NFX1: variants seen among roughly 807,000 people sequenced by gnomAD.
NFX1 encodes nuclear transcription factor, X-box binding 1, also known as transcriptional repressor NF-X1.
Under a neutral mutation model 137.2 loss-of-function variants are expected in NFX1, and 69 were observed. The observed-to-expected ratio is 0.50, with a 90% CI of 0.41 to 0.61. The LOEUF (loss-of-function observed/expected upper bound fraction) is 0.61. NFX1 is among the 20% of genes least tolerant of loss of function. The pLI is 0.00. For missense variants in NFX1, 1,167 were observed against 1,391.0 expected (o/e 0.84, Z 2.56); for synonymous variants, 495 against 474.1 (o/e 1.04, Z -0.57).
At chr9:33,348,253 G>A (rs966119827) in intron 15 of NFX1, 1 of 152,174 alleles carries the variant, frequency 6.6e-6, no homozygotes, top group Non-Finnish European at 1.5e-5. Flanking sequence ...TTGGGAGGCT[G>A]AGGCAGGAGA....
At chr9:33,347,765 T>C (rs1489574908) in intron 15 of NFX1, 13 of 341,382 alleles carry the variant, frequency 3.8e-5, no homozygotes, top group Admixed American at 1.3e-4. Flanking sequence ...ATTGCAAAAA[T>C]GTGGAACCAG....
At chr9:33,359,652 C>CTT (rs1369061661) in intron 19 of NFX1, among the ~76,000 whole-genome samples, 1 of 151,804 alleles carries the variant, frequency 6.6e-6, no homozygotes, top group Non-Finnish European at 1.5e-5. Context: ...ATGGGGAAAA[C>CTT]TTTAAGTATT....
At chr9:33,340,354 C>T (rs893649172) in intron 12 of NFX1, among the ~76,000 whole-genome samples, 3 of 152,258 alleles carry the variant, frequency 2.0e-5, no homozygotes, top group African/African-American at 7.2e-5. Context: ...TGTGTTGGCC[C>T]CTTTCAGCTA....
chr9:33,352,657 G>C lies in NFX1; in HGVS notation c.2667G>C (p.Gln889His). 6.2e-7 allele frequency: 1 copy of C among 1,614,184 alleles called. No individual in the cohort carries two copies. The highest frequency in any genetic ancestry group is 2.2e-5 in the East Asian group (1 of 44,890). The part of the protein sequence containing the change: ...VTACKAKVEL[Q>H]CECGRRKEMV... ...TCATCTGACTTCAGGTAGAGCTACA[G>C]TGTGAATGTGGACGAAGAAAAGAGA... Residue 889 changes from glutamine (Q) to histidine (H), a missense_variant, in exon 17 of 24, where the codon CAG (glutamine) becomes CAC (histidine). Physicochemically the swap from Gln to His is conservative, Grantham distance 24. Around this residue, in one of 3 missense-constraint regions of NFX1, gnomAD observed 312 missense variants for 312.8 expected, o/e 1.00. Transcript: ENST00000379540.
intron 12 of NFX1, among the ~76,000 whole-genome samples, chr9:33,339,124 AT>A (rs1276843738): frequency 1.3e-5 from 2 of 152,230 alleles, no homozygotes; most frequent in Non-Finnish European, 2.9e-5. Flanking sequence ...TATATAAAAA[AT>A]ATAACGTATG....
Position 33,351,572 on chromosome 9 carries a change from A to G in NFX1, c.2437A>G (p.Ile813Val), listed in dbSNP as rs948696794. The G allele has an allele frequency of 6.2e-7, 1 of 1,614,214 alleles. No individual in the cohort carries two copies. The highest frequency in any genetic ancestry group is 8.5e-7 in the Non-Finnish European group (1 of 1,180,030). ...CMGKHEFRSN[I>V]PCHLVDISCG... ...CTGTCTCTCCTAGTTTCGGAGCAAC[A>G]TCCCCTGTCACCTGGTTGATATCTC... The change falls in exon 16 of 24, where the codon ATC becomes GTC. Residue 813 changes from isoleucine to valine, a missense_variant. By Grantham distance (29) the Ile-to-Val change is conservative (BLOSUM62 3). Coordinates refer to ENST00000379540, the MANE Select transcript of NFX1 (RefSeq NM_002504.6).
At chr9:33,366,372 C>T (rs1824169274) in intron 21 of NFX1, among the ~76,000 whole-genome samples, 2 of 152,126 alleles carry the variant, frequency 1.3e-5, no homozygotes, top group Admixed American at 6.6e-5. Context: ...CTACCTAAGT[C>T]GCAGTTCACT....
rs751223287 is a variant in NFX1 at position 33,344,106 on chromosome 9, G to T, written c.2262G>T (p.Val754=). The change falls in exon 14 of 24, where the codon GTG becomes GTT. Residue 754 remains valine, a synonymous_variant. Transcript: ENST00000379540. ...DELTCHCGAS[V]IYPPVPCGTR... ...TAACCTGCCATTGTGGTGCATCAGTGATTTACCCTCCAGTTCCCTGTGGTA... is the reference window on the plus strand; with the variant it reads ...TAACCTGCCATTGTGGTGCATCAGTTATTTACCCTCCAGTTCCCTGTGGTA... The T allele has an allele frequency of 1.9e-6, 3 of 1,614,082 alleles. No homozygotes were observed. The highest frequency in any genetic ancestry group is 2.5e-6 in the Non-Finnish European group (3 of 1,179,974).
intron 15 of NFX1, among the ~76,000 whole-genome samples, chr9:33,349,028 G>A (rs1305743702): frequency 6.6e-6 from 1 of 152,152 alleles, no homozygotes; most frequent in Non-Finnish European, 1.5e-5. Flanking sequence ...CCTGTGGGTG[G>A]TTCTCAAGTC....
intron 5 of NFX1, among the ~76,000 whole-genome samples, chr9:33,308,589 A>G (rs1246079781): frequency 2.6e-5 from 4 of 152,236 alleles, no homozygotes; most frequent in Non-Finnish European, 4.4e-5. Flanking sequence ...CTTAGGTTCA[A>G]GTTACTTAAA....
At chr9:33,344,685 G>T (rs934672495) in intron 14 of NFX1, among the ~76,000 whole-genome samples, 1 of 151,984 alleles carries the variant, frequency 6.6e-6, no homozygotes, top group African/African-American at 2.4e-5. Context: ...GCCCAACATG[G>T]TGAAACCCCG....
chr9:33,302,860 A>G (rs1212633405), intron 3 of NFX1, among the ~76,000 whole-genome samples: 1 of 149,466 alleles, frequency 6.7e-6, no homozygotes, highest in Non-Finnish European at 1.5e-5. Context: ...AGTAGAGATG[A>G]TGTTTCATCA....
chr9:33,364,073 G>T lies in NFX1; in HGVS notation c.2937G>T (p.Gly979=), dbSNP rs1446203959. The T allele has an allele frequency of 6.2e-7, 1 of 1,604,458 alleles. No homozygotes were observed. Among genetic ancestry groups the T allele is most frequent in the Non-Finnish European group, 8.5e-7 (1 of 1,176,094 alleles). The stretch of plus-strand genomic sequence containing the variant: ...ATCCTTTCAATATACGTTCTTCAGG[G>T]TCAAAATTCAGTGATAGTTTGAAAG... ...DSDPFNIRSS[G]SKFSDSLKED... Residue 979 remains glycine (G), a synonymous_variant, in exon 20 of 24, where the codon GGG becomes GGT. Transcript: ENST00000379540.
intron 9 of NFX1, 62 bp from the exon 10 acceptor site, chr9:33,328,519 T>C: frequency 7.8e-6 from 10 of 1,274,576 alleles, no homozygotes; most frequent in Non-Finnish European, 1.1e-5. Flanking sequence ...GCTAGCAAAT[T>C]TGGGAGTATG....
chr9:33,367,733 G>C (rs1824211803), intron 23 of NFX1, 114 bp downstream of exon 23: 1 of 895,912 alleles, frequency 1.1e-6, no homozygotes, highest in Non-Finnish European at 1.8e-6. Context: ...CTGGCCTTGG[G>C]GTACCATGTT....
Position 33,332,494 on chromosome 9 carries a change from A to G in NFX1, c.2027A>G (p.Lys676Arg), listed in dbSNP as rs1822843769. 1.3e-6 allele frequency: 2 copies of G among 1,584,294 alleles called. No individual in the cohort carries two copies. The highest frequency in any genetic ancestry group is 1.7e-6 in the Non-Finnish European group (2 of 1,162,232). The change falls in exon 11 of 24, where the codon AAA becomes AGA. Residue 676 changes from lysine (K) to arginine (R), a missense_variant. Lys to Arg is a conservative substitution (Grantham distance 26). Coordinates refer to ENST00000379540, the MANE Select transcript of NFX1 (RefSeq NM_002504.6). ...TAGGAGCTTCCATGTACCAGTCTCA[A>G]AAGTGAAGGTATGACTGGGGTGGGG... ...RTKELPCTSLKSEDATFMCDK... is the reference protein window; with the variant it reads ...RTKELPCTSLRSEDATFMCDK...
At chr9:33,300,301 G>C in intron 2 of NFX1, among the ~76,000 whole-genome samples, 1 of 151,930 alleles carries the variant, frequency 6.6e-6, no homozygotes, top group East Asian at 1.9e-4. Flanking sequence ...CCGACCTCAT[G>C]ATCTGCCCGC....
At chr9:33,349,028 G>GT (rs2118626542) in intron 15 of NFX1, among the ~76,000 whole-genome samples, 1 of 152,270 alleles carries the variant, frequency 6.6e-6, no homozygotes, top group South Asian at 2.1e-4. Context: ...CCTGTGGGTG[G>GT]TTCTCAAGTC....
rs1824310588 is a variant in NFX1 at position 33,371,065 on chromosome 9, A to G, written c.*1087A>G. 1 of 152,266 alleles carries G rather than the reference A, an allele frequency of 6.6e-6. No individual in the cohort carries two copies. The highest frequency in any genetic ancestry group is 2.1e-4 in the South Asian group (1 of 4,818). 9.4% of individuals were successfully genotyped at this position (152,266 alleles called of 1,614,324 possible). ...GCTTCCAGCAACTTCCTTCTGCCCT[A>G]GAGCAAGCCATGAGCCCCAGAGCAG... On this transcript the variant is annotated 3_prime_UTR_variant, in exon 24 of 24. Coordinates refer to ENST00000379540, the MANE Select transcript of NFX1 (RefSeq NM_002504.6).
Sources: allele counts gnomAD v4.1 joint callset (sites outside exome capture counted in the v4.1 genomes callset), GRCh38; gene constraint gnomAD v4.1.1; regional missense constraint gnomAD v4.1.1; transcripts MANE v1.5; gene names NCBI Gene and HGNC (gene_info 2026-07-23, HGNC 2026-07-21).